ARID4A: variants seen among roughly 807,000 people sequenced by gnomAD.
The protein encoded by ARID4A is AT-rich interaction domain 4A.
ARID4A carries 39 observed loss-of-function variants against 148.6 expected under a neutral mutation model. The ratio of observed to expected loss-of-function variants is 0.26; its 90% CI spans 0.20 to 0.34. The LOEUF (loss-of-function observed/expected upper bound fraction) is 0.34. ARID4A is among the 10% of genes least tolerant of loss of function. The pLI is 1.00. For synonymous variants in ARID4A, 475 were observed against 481.2 expected (o/e 0.99, Z 0.17); for missense variants, 1,265 against 1,449.1 (o/e 0.87, Z 2.06).
rs554096546 is a variant in ARID4A, at chr14:58,334,145, AAT to A, written c.906+3980_906+3981del. 8.5e-4 allele frequency among the ~76,000 whole-genome samples: 130 copies of A among 152,302 alleles called. 4 individuals are homozygous for A. Among genetic ancestry groups the A allele is most frequent in the Admixed American group, 7.6e-3 (116 of 15,294 alleles). ...TGAGGATTCCACATTTGTACACAAA[AAT>A]ATAGCTACATACAGCTATATTTTTA... On this transcript the variant is annotated intron_variant, in intron 11 of 23. Coordinates refer to ENST00000355431, the MANE Select transcript of ARID4A (RefSeq NM_002892.4).
chr14:58,307,074 A>G (rs576163965), intron 5 of ARID4A, among the ~76,000 whole-genome samples: 4 of 152,342 alleles, frequency 2.6e-5, no homozygotes, highest in African/African-American at 9.6e-5. Flanking sequence ...CATTATGTTG[A>G]TGAGAATAGC....
intron 7 of ARID4A, among the ~76,000 whole-genome samples, chr14:58,319,758 G>A (rs1288332002): frequency 6.7e-6 from 1 of 150,234 alleles, no homozygotes; most frequent in African/African-American, 2.4e-5. Context: ...GGCCAAATGG[G>A]TTTCGAACTC....
chr14:58,354,406 G>A (rs1265968252), intron 17 of ARID4A, among the ~76,000 whole-genome samples: 3 of 152,272 alleles, frequency 2.0e-5, no homozygotes, highest in East Asian at 3.9e-4. Context: ...AGAAAGGCAG[G>A]GCATGGGGGC....
intron 11 of ARID4A, among the ~76,000 whole-genome samples, chr14:58,335,171 G>C (rs1361785710): frequency 1.3e-5 from 2 of 152,106 alleles, no homozygotes; most frequent in Non-Finnish European, 1.5e-5. Flanking sequence ...TAACTTCTTA[G>C]AATGCTTGAT....
At position 58,364,728 on chromosome 14, in the gene ARID4A, C is replaced by A; in HGVS notation, c.2639C>A (p.Thr880Asn). The A allele has an allele frequency of 6.2e-7, 1 of 1,613,852 alleles. No homozygotes were observed. Among genetic ancestry groups the A allele is most frequent in the Non-Finnish European group, 8.5e-7 (1 of 1,179,934 alleles). The change falls in exon 20 of 24, where the codon ACT becomes AAT. Residue 880 changes from threonine (T) to asparagine (N), a missense_variant. Around this residue, in one of 9 missense-constraint regions of ARID4A, gnomAD observed 666 missense variants for 730.9 expected, o/e 0.91. Transcript: ENST00000355431. ...RIENGMEMTN[T>N]VSQERTSDCI... ...GAGAATGGAATGGAAATGACAAATA[C>A]TGTATCTCAAGAAAGGACCAGTGAT...
chr14:58,312,040 A>G (rs75929274), intron 5 of ARID4A, among the ~76,000 whole-genome samples: 2,142 of 152,262 alleles, frequency 0.014, 47 homozygotes, highest in African/African-American at 0.049. Context: ...TTTAGCCAAT[A>G]ACAATGTATT....
intron 5 of ARID4A, among the ~76,000 whole-genome samples, chr14:58,316,924 T>G (rs1594883647): frequency 6.6e-6 from 1 of 151,252 alleles, no homozygotes; most frequent in African/African-American, 2.4e-5. Flanking sequence ...CCAGGCGCGG[T>G]GCTCACGCCT....
chr14:58,310,371 T>C (rs140257985), intron 5 of ARID4A, among the ~76,000 whole-genome samples: 165 of 152,334 alleles, frequency 1.1e-3, no homozygotes, highest in African/African-American at 3.7e-3. Flanking sequence ...TTTCAAAATA[T>C]ACTACAAAGC....
chr14:58,336,881 T>C (rs1046900731), intron 11 of ARID4A, among the ~76,000 whole-genome samples: 3 of 151,804 alleles, frequency 2.0e-5, no homozygotes, highest in Non-Finnish European at 2.9e-5. Flanking sequence ...GACTTTCTTT[T>C]TCTTTTTTCT....
rs776687421 is a variant in ARID4A, at chr14:58,329,997, T to G, written c.740-6T>G. The G allele has an allele frequency of 6.2e-7, 1 of 1,607,778 alleles. No individual in the cohort carries two copies. The highest frequency in any genetic ancestry group is 1.3e-5 in the African/African-American group (1 of 74,436). ...AGCAACTGCTGAAGTACATTTTCACTCTTAGGGCTTCAGAAAGCAAGCATC... is the reference window on the plus strand; with the variant it reads ...AGCAACTGCTGAAGTACATTTTCACGCTTAGGGCTTCAGAAAGCAAGCATC... On this transcript the variant is annotated splice_polypyrimidine_tract_variant and splice_region_variant and intron_variant, in intron 10 of 23. Transcript: ENST00000355431.
At chr14:58,323,967 C>T (rs1041362081) in intron 8 of ARID4A, among the ~76,000 whole-genome samples, 7 of 136,996 alleles carry the variant, frequency 5.1e-5, no homozygotes, top group Non-Finnish European at 7.6e-5. Context: ...TGCAGTGGCG[C>T]GATCTCGGCT....
intron 11 of ARID4A, among the ~76,000 whole-genome samples, chr14:58,334,959 T>C (rs2033733944): frequency 6.6e-6 from 1 of 152,164 alleles, no homozygotes; most frequent in African/African-American, 2.4e-5. Flanking sequence ...TTCATCGTCA[T>C]GGCCAGAATG....
chr14:58,321,147 T>C (rs2032862485), intron 7 of ARID4A, among the ~76,000 whole-genome samples: 1 of 152,194 alleles, frequency 6.6e-6, no homozygotes, highest in Non-Finnish European at 1.5e-5. Context: ...AGTTACCGTT[T>C]TTCCCCTTTG....
At chr14:58,311,591 A>G (rs1314024260) in intron 5 of ARID4A, among the ~76,000 whole-genome samples, 1 of 152,238 alleles carries the variant, frequency 6.6e-6, no homozygotes, top group East Asian at 1.9e-4. Flanking sequence ...TCCTGGGTAT[A>G]TAACCAAAGA....
chr14:58,310,840 A>G (rs1050782207), intron 5 of ARID4A, among the ~76,000 whole-genome samples: 4 of 152,112 alleles, frequency 2.6e-5, no homozygotes, highest in Non-Finnish European at 1.5e-5. Flanking sequence ...TGAAAAGACA[A>G]CCTTCATAAT....
chr14:58,362,327 G>A (rs774904023), intron 19 of ARID4A, among the ~76,000 whole-genome samples: 6 of 152,064 alleles, frequency 3.9e-5, no homozygotes, highest in Non-Finnish European at 8.8e-5. Flanking sequence ...AGTGGTTCAT[G>A]CCTGTAATCC....
In ARID4A at chr14:58,366,147, A is replaced by C. The variant is rs2035351130; in HGVS notation, c.3440A>C (p.His1147Pro). Residue 1147 changes from histidine (H) to proline (P), a missense_variant, in exon 22 of 24, where the codon CAC (histidine) becomes CCC (proline). Coordinates refer to ENST00000355431, the MANE Select transcript of ARID4A (RefSeq NM_002892.4). ...LARSPARISP[H>P]IKDGEKDKHR... ...CGATCTCCTGCAAGAATATCCCCGC[A>C]CATCAAAGATGGAGAGAAAGATAAA... 6.2e-7 allele frequency: 1 copy of C among 1,613,854 alleles called. No homozygotes were observed. The highest frequency in any genetic ancestry group is 8.5e-7 in the Non-Finnish European group (1 of 1,179,882).
chr14:58,352,664 A>C (rs74055628), intron 16 of ARID4A, among the ~76,000 whole-genome samples: 5 of 152,090 alleles, frequency 3.3e-5, no homozygotes, highest in African/African-American at 9.7e-5. Flanking sequence ...CATTCTCACT[A>C]CAAATGGGCT....
chr14:58,304,932 A>T lies in ARID4A; in HGVS notation c.118-12A>T. The T allele has an allele frequency of 6.2e-7, 1 of 1,602,568 alleles. No homozygotes were observed. Among genetic ancestry groups the T allele is most frequent in the Non-Finnish European group, 8.5e-7 (1 of 1,175,758 alleles). ...AAGTAATATGCAAATTATTGTGCAA[A>T]ATGTTTTTCAGGTACTCCTGAAACA... On this transcript the variant is annotated splice_polypyrimidine_tract_variant and intron_variant, in intron 3 of 23. Transcript: ENST00000355431.
Sources: gnomAD v4.1 joint callset for allele counts (sites outside exome capture counted in the v4.1 genomes callset) on GRCh38, gnomAD v4.1.1 for gene constraint, gnomAD v4.1.1 regional missense constraint, MANE v1.5 for transcripts, NCBI Gene and HGNC (gene_info 2026-07-23, HGNC 2026-07-21) for gene names.